Variants in PDSS2 observed in about 807,000 individuals in gnomAD.
PDSS2 encodes decaprenyl diphosphate synthase subunit 2.
Under a neutral mutation model 44.5 loss-of-function variants are expected in PDSS2, and 31 were observed. The ratio of observed to expected loss-of-function variants is 0.70; its 90% CI spans 0.52 to 0.94. PDSS2 has a LOEUF of 0.94. PDSS2 is among the 40% of genes least tolerant of loss of function. PDSS2 has a pLI of 0.00. For synonymous variants in PDSS2, 157 were observed against 180.3 expected (o/e 0.87, Z 1.03); for missense variants, 452 against 482.2 (o/e 0.94, Z 0.59).
intron 7 of PDSS2, among the ~76,000 whole-genome samples, chr6:107,182,233 G>T (rs1772009422): frequency 6.6e-6 from 1 of 152,154 alleles, no homozygotes; most frequent in Admixed American, 6.5e-5. Context: ...GAGGGCAAAT[G>T]TTTTGCAAAA....
intron 4 of PDSS2, among the ~76,000 whole-genome samples, chr6:107,243,397 A>C (rs1274267353): frequency 1.3e-5 from 2 of 152,242 alleles, no homozygotes; most frequent in East Asian, 3.8e-4. Flanking sequence ...GACATAAAAA[A>C]TACTTAAAAC....
At chr6:107,373,793 C>CAA (rs1779198584) in intron 1 of PDSS2, among the ~76,000 whole-genome samples, 1 of 151,608 alleles carries the variant, frequency 6.6e-6, no homozygotes, top group Non-Finnish European at 1.5e-5. Flanking sequence ...AAATCTCCTG[C>CAA]TTTTTCTCAC....
chr6:107,397,461 G>A lies in PDSS2; in HGVS notation c.296+61529C>T, dbSNP rs1281060706. Among the ~76,000 whole-genome samples the A allele has an allele frequency of 2.6e-5, 4 of 152,274 alleles. No individual in the cohort carries two copies. In the East Asian group the frequency reaches 7.7e-4, roughly 29 times the overall value. On this transcript the variant is annotated intron_variant, in intron 1 of 7. Coordinates refer to ENST00000369037, the MANE Select transcript of PDSS2 (RefSeq NM_020381.4). ...GGTGAAATTTATTAACTTTTGACCTGTGAGTACATGTCTTTTTTATAATCT... is the reference window on the plus strand; with the variant it reads ...GGTGAAATTTATTAACTTTTGACCTATGAGTACATGTCTTTTTTATAATCT...
intron 1 of PDSS2, among the ~76,000 whole-genome samples, chr6:107,338,965 T>A (rs1179991228): frequency 6.6e-6 from 1 of 152,118 alleles, no homozygotes; most frequent in Non-Finnish European, 1.5e-5. Flanking sequence ...CCTCAAGTGA[T>A]CTTCTGGCCT....
rs1212128383 is a variant in PDSS2, at chr6:107,434,334, C to T, written c.296+24656G>A. Among the ~76,000 whole-genome samples the T allele has an allele frequency of 2.0e-5, 3 of 152,112 alleles. No individual in the cohort carries two copies. In the East Asian group the frequency reaches 5.8e-4, roughly 29 times the overall value. On this transcript the variant is annotated intron_variant, in intron 1 of 7. Coordinates refer to ENST00000369037, the MANE Select transcript of PDSS2 (RefSeq NM_020381.4). ...TTTACTGCAGCACTGTTCACAATAG[C>T]CAAGATGTGGAAGCAACCTAAGTGT... is the stretch of plus-strand genomic sequence containing the variant.
At chr6:107,291,145 T>G (rs1007008020) in intron 2 of PDSS2, among the ~76,000 whole-genome samples, 1 of 152,152 alleles carries the variant, frequency 6.6e-6, no homozygotes, top group East Asian at 1.9e-4. Flanking sequence ...TTTTTATAAG[T>G]AGACTTAAAG....
chr6:107,259,263 A>G (rs908422782), intron 3 of PDSS2, among the ~76,000 whole-genome samples: 33 of 152,364 alleles, frequency 2.2e-4, no homozygotes, highest in African/African-American at 7.9e-4. Flanking sequence ...GATATCAGAT[A>G]GACTGAAATA....
At chr6:107,211,829 T>G (rs748017972) in intron 5 of PDSS2, among the ~76,000 whole-genome samples, 1 of 151,966 alleles carries the variant, frequency 6.6e-6, no homozygotes, top group Non-Finnish European at 1.5e-5. Flanking sequence ...AATATGTTAT[T>G]TAATAATATG....
intron 3 of PDSS2, among the ~76,000 whole-genome samples, chr6:107,265,066 A>T (rs1458319584): frequency 2.6e-5 from 4 of 152,232 alleles, no homozygotes; most frequent in African/African-American, 9.6e-5. Context: ...ATTTGCATTT[A>T]TGTGACTACA....
At chr6:107,395,037 CTATT>C (rs1025832373) in intron 1 of PDSS2, among the ~76,000 whole-genome samples, 1 of 152,076 alleles carries the variant, frequency 6.6e-6, no homozygotes, top group African/African-American at 2.4e-5. Context: ...TATTTCACCT[CTATT>C]TATGATATTT....
intron 2 of PDSS2, among the ~76,000 whole-genome samples, chr6:107,285,855 G>A (rs913752431): frequency 5.4e-4 from 82 of 152,080 alleles, no homozygotes; most frequent in Non-Finnish European, 1.3e-4. Context: ...ACAAAGGATA[G>A]GGGGCTGGGC....
chr6:107,432,756 TCAAAAA>T (rs374164703), intron 1 of PDSS2, among the ~76,000 whole-genome samples: 5,273 of 146,162 alleles, frequency 0.036, 308 homozygotes, highest in African/African-American at 0.13. Context: ...AGACACTGTC[TCAAAAA>T]CAAAAACAAA....
At chr6:107,203,947 AT>A (rs57335281) in intron 6 of PDSS2, among the ~76,000 whole-genome samples, 112 of 144,264 alleles carry the variant, frequency 7.8e-4, no homozygotes, top group Admixed American at 1.2e-3. Flanking sequence ...ACTTATTATA[AT>A]TTTTTTTTTT....
At chr6:107,363,661 C>G (rs912190550) in intron 1 of PDSS2, among the ~76,000 whole-genome samples, 1 of 152,108 alleles carries the variant, frequency 6.6e-6, no homozygotes, top group Non-Finnish European at 1.5e-5. Flanking sequence ...GGAAGGGGAC[C>G]CGAGCGGGTT....
chr6:107,334,176 C>T (rs1777799554), intron 2 of PDSS2, 22 bp downstream of exon 2: 1 of 1,610,482 alleles, frequency 6.2e-7, no homozygotes, highest in African/African-American at 1.3e-5. Flanking sequence ...AGAGCAATGT[C>T]AAAAGACTAA....
At chr6:107,375,359 GAC>G (rs1320873042) in intron 1 of PDSS2, among the ~76,000 whole-genome samples, 1 of 152,024 alleles carries the variant, frequency 6.6e-6, no homozygotes, top group Non-Finnish European at 1.5e-5. Context: ...AAAGAAAGAA[GAC>G]ACAAATTAGA....
At chr6:107,278,604 G>T (rs1162406028) in intron 2 of PDSS2, among the ~76,000 whole-genome samples, 1 of 152,134 alleles carries the variant, frequency 6.6e-6, no homozygotes, top group African/African-American at 2.4e-5. Flanking sequence ...TAATAACCAG[G>T]TAAGCAAAAA....
intron 1 of PDSS2, among the ~76,000 whole-genome samples, chr6:107,403,315 C>T (rs756743390): frequency 6.6e-6 from 1 of 152,212 alleles, no homozygotes; most frequent in African/African-American, 2.4e-5. Flanking sequence ...AGGCTCCCAC[C>T]GTCTTGGGCA....
chr6:107,302,098 G>C (rs1776715605), intron 2 of PDSS2, among the ~76,000 whole-genome samples: 1 of 152,008 alleles, frequency 6.6e-6, no homozygotes, highest in African/African-American at 2.4e-5. Flanking sequence ...ATATGTAAAT[G>C]ATTTCTCAAT....
Sources: allele counts gnomAD v4.1 joint callset (sites outside exome capture counted in the v4.1 genomes callset), GRCh38; gene constraint gnomAD v4.1.1; transcripts MANE v1.5; gene names NCBI Gene and HGNC (gene_info 2026-07-23, HGNC 2026-07-21).